Variants in CHCT1 observed in about 807,000 individuals in gnomAD.
CHCT1 encodes CHD1 helical C-terminal domain containing 1.
At chr17:60,424,402 C>A in the CHCT1 span, among the ~76,000 whole-genome samples, 5 of 152,148 alleles carry the variant, frequency 3.3e-5, no homozygotes, top group Non-Finnish European at 7.4e-5. Context: ...TCTTTTGATG[C>A]CTCATTGTTC....
the CHCT1 span, among the ~76,000 whole-genome samples, chr17:60,430,999 TG>T: frequency 2.0e-5 from 3 of 152,192 alleles, no homozygotes; most frequent in African/African-American, 7.2e-5. Context: ...ATCTGTAAAT[TG>T]GGGACAATGC....
chr17:60,423,848 A>G, the CHCT1 span, among the ~76,000 whole-genome samples: 7 of 152,228 alleles, frequency 4.6e-5, no homozygotes, highest in African/African-American at 7.2e-5. Flanking sequence ...CTGAATAGTC[A>G]TTAGATGCAT....
chr17:60,424,863 TA>T, the CHCT1 span, among the ~76,000 whole-genome samples: 2,290 of 141,526 alleles, frequency 0.016, 52 homozygotes, highest in African/African-American at 0.053. Context: ...ATAGAGTGAA[TA>T]AAAAAAAAAA....
chr17:60,429,396 C>T, the CHCT1 span: 1 of 1,614,160 alleles, frequency 6.2e-7, no homozygotes, highest in Non-Finnish European at 8.5e-7. Context: ...CCGGAGAGGT[C>T]CTTGCTGGCC....
chr17:60,422,497 C>T, the CHCT1 span: 1 of 1,538,604 alleles, frequency 6.5e-7, no homozygotes, highest in African/African-American at 1.4e-5. Flanking sequence ...CCAAACCGCC[C>T]ACTCCCTGAG....
chr17:60,425,355 T>A, the CHCT1 span, among the ~76,000 whole-genome samples: 1 of 152,128 alleles, frequency 6.6e-6, no homozygotes, highest in Non-Finnish European at 1.5e-5. Flanking sequence ...CTAATTTTTG[T>A]AATTTTTTGT....
the CHCT1 span, chr17:60,431,286 G>A: frequency 1.3e-6 from 2 of 1,555,024 alleles, no homozygotes; most frequent in South Asian, 1.1e-5. Flanking sequence ...CTGGGACAAA[G>A]GGCCCGCTTG....
At chr17:60,426,851 G>T in the CHCT1 span, 1 of 1,563,034 alleles carries the variant, frequency 6.4e-7, no homozygotes. Context: ...GAGCACAGCT[G>T]AGGGTTGGTT....
At chr17:60,426,155 C>T in the CHCT1 span, 4 of 1,551,460 alleles carry the variant, frequency 2.6e-6, no homozygotes, top group Non-Finnish European at 3.5e-6. Flanking sequence ...CCTGTTGCCT[C>T]CTCAGTGTAA....
At chr17:60,421,481 G>A in the CHCT1 span, 3 of 985,410 alleles carry the variant, frequency 3.0e-6, no homozygotes, top group African/African-American at 5.2e-5. Context: ...GCGAAGAACA[G>A]GGCCACACTG....
the CHCT1 span, chr17:60,426,801 A>G: frequency 6.8e-6 from 11 of 1,605,842 alleles, no homozygotes; most frequent in Admixed American, 5.1e-5. Context: ...AAGAGCAGCC[A>G]GCCGGCCAAG....
At chr17:60,425,822 A>C in the CHCT1 span, 1 of 1,551,716 alleles carries the variant, frequency 6.4e-7, no homozygotes, top group Non-Finnish European at 8.7e-7. Context: ...CTCCAGCGCC[A>C]GCCCTGCTAG....
the CHCT1 span, among the ~76,000 whole-genome samples, chr17:60,427,343 C>A: frequency 2.0e-5 from 3 of 152,134 alleles, no homozygotes; most frequent in African/African-American, 7.2e-5. Context: ...CCAAGTATTG[C>A]TATGGCAATG....
the CHCT1 span, chr17:60,429,383 G>T: frequency 6.2e-7 from 1 of 1,613,902 alleles, no homozygotes; most frequent in Non-Finnish European, 8.5e-7. Context: ...CGCCTCGGAT[G>T]CGCCGGAGAG....
chr17:60,424,821 C>T, the CHCT1 span, among the ~76,000 whole-genome samples: 4 of 150,764 alleles, frequency 2.7e-5, no homozygotes, highest in Non-Finnish European at 5.9e-5. Context: ...TGCAGTGAGC[C>T]GAGATCACAC....
the CHCT1 span, chr17:60,426,739 C>T: frequency 6.2e-7 from 1 of 1,611,414 alleles, no homozygotes; most frequent in Admixed American, 1.7e-5. Context: ...GGTTCATCTC[C>T]CTCTTCTCGG....
At chr17:60,430,266 C>T in the CHCT1 span, among the ~76,000 whole-genome samples, 6 of 151,262 alleles carry the variant, frequency 4.0e-5, no homozygotes, top group South Asian at 6.3e-4. Flanking sequence ...AAACAGGACT[C>T]GAAAGTCTTC....
At chr17:60,427,804 G>C in the CHCT1 span, among the ~76,000 whole-genome samples, 1 of 152,004 alleles carries the variant, frequency 6.6e-6, no homozygotes, top group African/African-American at 2.4e-5. Flanking sequence ...GAGTGCCATG[G>C]TCCTAAAAAC....
the CHCT1 span, among the ~76,000 whole-genome samples, chr17:60,428,900 C>A: frequency 6.7e-6 from 1 of 149,760 alleles, no homozygotes. Context: ...CTTACAAAGG[C>A]TCCCATTTTT....
Sources: gnomAD v4.1 joint callset for allele counts (sites outside exome capture counted in the v4.1 genomes callset) on GRCh38, gnomAD v4.1.1 for gene constraint, MANE v1.5 for transcripts, NCBI Gene and HGNC (gene_info 2026-07-23, HGNC 2026-07-21) for gene names.